Variants in TGIF1 observed in about 807,000 individuals in gnomAD.
TGIF1 encodes the protein homeobox protein TGIF1.
TGIF1 carries 4 observed loss-of-function variants against 19.3 expected under a neutral mutation model. The ratio of observed to expected loss-of-function variants is 0.21; its 90% CI spans 0.10 to 0.47. The LOEUF (loss-of-function observed/expected upper bound fraction) is 0.47. Ranked by LOEUF, TGIF1 falls within the 20% of genes least tolerant of loss-of-function variation. The pLI is 0.98. For synonymous variants in TGIF1, 122 were observed against 129.3 expected, an observed-to-expected ratio of 0.94 and a Z score of 0.38; for missense variants, 275 against 341.4, an observed-to-expected ratio of 0.81 and a Z score of 1.53.
intron 2 of TGIF1, among the ~76,000 whole-genome samples, chr18:3,438,811 A>G (rs1362243326): frequency 6.6e-6 from 1 of 152,180 alleles, no homozygotes; most frequent in Non-Finnish European, 1.5e-5. Flanking sequence ...AATATTTGAG[A>G]GTAGGACTAT....
Position 3,450,175 on chromosome 18 carries a change from C to G in TGIF1, c.-315C>G. 2.3e-6 allele frequency: 3 copies of G among 1,318,584 alleles called. No individual in the cohort carries two copies. The highest frequency in any genetic ancestry group is 9.7e-7 in the Non-Finnish European group (1 of 1,030,188). The allele number at this position is 1,318,584 out of a possible 1,614,324, so 81.7% of individuals were successfully genotyped here. On this transcript the variant is annotated 5_prime_UTR_variant, in exon 1 of 3. Transcript: ENST00000343820. ...ACCTTCCCTCCTCGCCTCTCTCACT[C>G]TGACAGCGCCGAGGTGCGCCGAGCA...
chr18:3,441,674 G>A (rs1343087214), intron 2 of TGIF1, among the ~76,000 whole-genome samples: 1 of 152,170 alleles, frequency 6.6e-6, no homozygotes, highest in African/African-American at 2.4e-5. Context: ...ATTTCATTCA[G>A]ATGAATTGTA....
intron 1 of TGIF1, chr18:3,453,978 G>A (rs2083081632): frequency 3.1e-6 from 1 of 327,196 alleles, no homozygotes; most frequent in African/African-American, 2.2e-5. Flanking sequence ...GCCACAACTA[G>A]GAGGGAGAGT....
intron 1 of TGIF1, among the ~76,000 whole-genome samples, chr18:3,454,457 T>G (rs2083100079): frequency 6.6e-6 from 1 of 152,116 alleles, no homozygotes; most frequent in Non-Finnish European, 1.5e-5. Flanking sequence ...ACAAATTGCT[T>G]TATTCAAATT....
intron 2 of TGIF1, among the ~76,000 whole-genome samples, chr18:3,421,300 C>CTA (rs1237768566): frequency 1.4e-5 from 2 of 148,060 alleles, no homozygotes; most frequent in South Asian, 4.2e-4. Flanking sequence ...TCTTACTATA[C>CTA]TATATATATA....
At chr18:3,422,015 GA>G (rs911267330) in intron 2 of TGIF1, among the ~76,000 whole-genome samples, 26 of 151,846 alleles carry the variant, frequency 1.7e-4, no homozygotes, top group African/African-American at 6.3e-4. Flanking sequence ...CCAACATGGT[GA>G]AACCCCGTCT....
upstream of TGIF1, chr18:3,448,715 G>GTTTTTT (rs2082800740): frequency 4.7e-6 from 2 of 429,364 alleles, no homozygotes; most frequent in Admixed American, 7.8e-5. Flanking sequence ...GGGCGGGGGT[G>GTTTTTT]TCTTTTTTTT....
rs549724351 is a variant in TGIF1 at position 3,450,910 on chromosome 18, G to A, written c.16+405G>A. The stretch of plus-strand genomic sequence containing the variant: ...CTCGTTTTTCCCGATCCGGACCCAG[G>A]CGGCCGGGGCCGCGGGACCGCCGCG... On this transcript the variant is annotated intron_variant, in intron 1 of 2. Coordinates refer to ENST00000343820, the MANE Select transcript of TGIF1 (RefSeq NM_003244.4). Among the ~76,000 whole-genome samples the A allele has an allele frequency of 4.2e-3, 635 of 152,134 alleles. 4 individuals are homozygous for A. Among genetic ancestry groups the A allele is most frequent in the Non-Finnish European group, 7.4e-3 (503 of 67,970 alleles).
At chr18:3,413,075 C>T (rs934228179) in intron 1 of TGIF1, 2 of 152,164 alleles carry the variant, frequency 1.3e-5, no homozygotes, top group Non-Finnish European at 2.9e-5. Flanking sequence ...TTGAATGTCC[C>T]TTGGTGAATT....
chr18:3,417,525 A>G (rs1191767284), intron 1 of TGIF1, among the ~76,000 whole-genome samples: 1 of 152,184 alleles, frequency 6.6e-6, no homozygotes, highest in Admixed American at 6.5e-5. Context: ...TTCATGATAC[A>G]CTGTTAGATT....
intron 1 of TGIF1, among the ~76,000 whole-genome samples, chr18:3,416,950 A>AACAAC (rs1568026177): frequency 6.6e-6 from 1 of 151,650 alleles, no homozygotes; most frequent in Admixed American, 6.6e-5. Flanking sequence ...ACAACAACAA[A>AACAAC]AAAAAGATTT....
chr18:3,429,437 GAAGT>G (rs893499290), intron 2 of TGIF1, among the ~76,000 whole-genome samples: 2 of 151,784 alleles, frequency 1.3e-5, no homozygotes, highest in African/African-American at 4.8e-5. Context: ...AACTATGAGT[GAAGT>G]AAGCCTAACA....
In TGIF1 at chr18:3,451,347, G is replaced by A; in HGVS notation, c.16+842G>A. ...GGTTTAAAAACAAAATACACCGGAG[G>A]GGGACGGGGGGTGGAGAAACCACAC... On this transcript the variant is annotated intron_variant, in intron 1 of 2. Transcript: ENST00000343820. This position sits in a 1 kb window ranked among gnomAD's most constrained non-coding sequence, Gnocchi z 5.4. 1 of 985,208 alleles carries A rather than the reference G, an allele frequency of 1.0e-6. No homozygotes were observed. The highest frequency in any genetic ancestry group is 1.2e-6 in the Non-Finnish European group (1 of 829,842). The allele number at this position is 985,208 out of a possible 1,614,324, so 61.0% of individuals were successfully genotyped here. A position where few individuals can be genotyped will look rare whatever the true frequency, so the allele number is the denominator to read the frequency against.
rs185136780 is a variant in TGIF1 at position 3,423,304 on chromosome 18, T to C, written c.-45+5089T>C. The stretch of plus-strand genomic sequence containing the variant: ...GCTCAGGCCTCTAATCCCAACACTT[T>C]GGGAAGCTGTGGCAGGAGGGTCCCT... On this transcript the variant is annotated intron_variant, in intron 2 of 3. Transcript: ENST00000401449. Among the ~76,000 whole-genome samples, 402 of 152,160 alleles carry C rather than the reference T, an allele frequency of 2.6e-3. 1 individual carries two copies. The highest frequency in any genetic ancestry group is 8.7e-3 in the African/African-American group (361 of 41,514).
chr18:3,448,338 C>T (rs1009535317), upstream of TGIF1: 15 of 985,406 alleles, frequency 1.5e-5, 1 homozygote, highest in Admixed American at 7.4e-4. Context: ...GACAACCCTT[C>T]AAACGAAATA....
At chr18:3,414,298 T>A (rs147257020) in intron 1 of TGIF1, among the ~76,000 whole-genome samples, 131 of 152,296 alleles carry the variant, frequency 8.6e-4, no homozygotes, top group Non-Finnish European at 1.5e-3. Context: ...ATCACAATAA[T>A]CCCTAACACT....
chr18:3,452,361 C>G (rs1252652158), intron 1 of TGIF1: 2 of 1,613,286 alleles, frequency 1.2e-6, no homozygotes, highest in East Asian at 2.2e-5. Flanking sequence ...TCCTCGGCGC[C>G]GACTCCTGGA....
At chr18:3,432,575 A>G (rs2082562611) in intron 2 of TGIF1, among the ~76,000 whole-genome samples, 1 of 152,192 alleles carries the variant, frequency 6.6e-6, no homozygotes, top group African/African-American at 2.4e-5. Flanking sequence ...TAGGGCACAA[A>G]GGGCAACATA....
chr18:3,423,688 A>C (rs1420019485), intron 2 of TGIF1, among the ~76,000 whole-genome samples: 3 of 151,784 alleles, frequency 2.0e-5, no homozygotes. Flanking sequence ...CATCTCAAAA[A>C]AAAAAGAGTT....
Sources: allele counts gnomAD v4.1 joint callset (sites outside exome capture counted in the v4.1 genomes callset), GRCh38; gene constraint gnomAD v4.1.1; non-coding constraint Gnocchi (gnomAD v3.1); transcripts MANE v1.5; gene names NCBI Gene and HGNC (gene_info 2026-07-23, HGNC 2026-07-21).